UBE3B: variants seen among roughly 807,000 people sequenced by gnomAD.
UBE3B encodes the protein ubiquitin-protein ligase E3B.
Under a neutral mutation model 132.3 loss-of-function variants are expected in UBE3B, and 80 were observed. That is an observed-to-expected ratio of 0.60 (90% CI 0.50 to 0.73). The LOEUF is 0.73. Ranked by LOEUF, UBE3B falls within the 30% of genes least tolerant of loss-of-function variation. The pLI is 0.00. For missense variants in UBE3B, 1,196 were observed against 1,362.5 expected (o/e 0.88, Z 1.92); for synonymous variants, 487 against 520.4 (o/e 0.94, Z 0.87).
chr12:109,501,675 A>G, intron 13 of UBE3B, 141 bp downstream of exon 13: 2 of 1,071,018 alleles, frequency 1.9e-6, no homozygotes, highest in South Asian at 1.7e-5. Flanking sequence ...TGTTAGAGAC[A>G]GAGTCTCACT....
rs1478131322 is a variant in UBE3B, at chr12:109,501,404, G to C, written c.1152G>C (p.Gln384His). 2 of 1,614,030 alleles carry C rather than the reference G, an allele frequency of 1.2e-6. No homozygotes were observed. The highest frequency in any genetic ancestry group is 1.3e-5 in the African/African-American group (1 of 74,914). ...LNESMHLITK[Q>H]LQFLWGVPLI... ...AGTCAATGCACTTGATCACCAAACA[G>C]CTGCAGTTCTTGTGGGGGGTGCCTC... is the stretch of plus-strand genomic sequence containing the variant. Residue 384 changes from glutamine (Q) to histidine (H), a missense_variant, in exon 13 of 28, where the codon CAG (glutamine) becomes CAC (histidine). Physicochemically the swap from Gln to His is conservative, Grantham distance 24. Coordinates refer to ENST00000342494, the MANE Select transcript of UBE3B (RefSeq NM_130466.4).
At chr12:109,543,510 G>A in the UBE3B span, among the ~76,000 whole-genome samples, 3 of 152,326 alleles carry the variant, frequency 2.0e-5, no homozygotes, top group South Asian at 6.2e-4. Context: ...ACCTGGAATC[G>A]ATCCTTTGTT....
chr12:109,521,357 C>T lies in UBE3B; in HGVS notation c.2253+33C>T. ...AGGGGAGCAACAGCAGGGCTGACAG[C>T]AGCCAGATTCAAGAAGTGAAGAGCT... On this transcript the variant is annotated intron_variant, in intron 20 of 27. Transcript: ENST00000342494. This position sits in a 1 kb window ranked among gnomAD's most constrained non-coding sequence, Gnocchi z 4.2. The T allele has an allele frequency of 1.2e-6, 2 of 1,605,472 alleles. No homozygotes were observed. Among genetic ancestry groups the T allele is most frequent in the Non-Finnish European group, 1.7e-6 (2 of 1,172,710 alleles).
At chr12:109,542,811 ACAG>A in the UBE3B span, among the ~76,000 whole-genome samples, 2 of 152,216 alleles carry the variant, frequency 1.3e-5, no homozygotes, top group Non-Finnish European at 2.9e-5. Context: ...TTCAGACTTA[ACAG>A]CTTCTAGAAT....
At chr12:109,505,096 T>G (rs1879500183) in intron 14 of UBE3B, among the ~76,000 whole-genome samples, 1 of 152,146 alleles carries the variant, frequency 6.6e-6, no homozygotes, top group African/African-American at 2.4e-5. Context: ...AGTGAGAGAA[T>G]CCAAATACAG....
In UBE3B at chr12:109,535,638, G is replaced by C. The variant is rs958154176; in HGVS notation, c.*856G>C. 6.6e-6 allele frequency: 1 copy of C among 152,178 alleles called. No homozygotes were observed. The highest frequency in any genetic ancestry group is 2.4e-5 in the African/African-American group (1 of 41,424). The allele number at this position is 152,178 out of a possible 1,614,324, so 9.4% of individuals were successfully genotyped here. A position where few individuals can be genotyped will look rare whatever the true frequency, so the allele number is the denominator to read the frequency against. On this transcript the variant is annotated 3_prime_UTR_variant, in exon 28 of 28. Transcript: ENST00000342494. The stretch of plus-strand genomic sequence containing the variant: ...TTTGACCCTGCTTATTTGTCTCACT[G>C]GTTATCTAATGAGGAACAAACACTA...
Position 109,486,580 on chromosome 12 carries a change from C to CAATAAA in UBE3B, c.447+7_447+8insTAAAAA, listed in dbSNP as rs1876488417. ...GATTTTCTCAAGCAGCTCAAGGTAA[C>CAATAAA]AAAAAAAAAAAAAAAAAAAAAAAGC... On this transcript the variant is annotated splice_donor_region_variant and intron_variant, in intron 6 of 27. Coordinates refer to ENST00000342494, the MANE Select transcript of UBE3B (RefSeq NM_130466.4). The CAATAAA allele has an allele frequency of 2.0e-6, 1 of 493,986 alleles. No homozygotes were observed. 30.6% of individuals were successfully genotyped at this position (493,986 alleles called of 1,614,324 possible).
chr12:109,503,341 A>G (rs1879235656), intron 14 of UBE3B, 151 bp downstream of exon 14: 1 of 973,210 alleles, frequency 1.0e-6, no homozygotes, highest in African/African-American at 1.7e-5. Flanking sequence ...AGATTAGTCC[A>G]CCTCAGTTAC....
chr12:109,483,001 T>G (rs1180400718), intron 2 of UBE3B, among the ~76,000 whole-genome samples: 1 of 152,244 alleles, frequency 6.6e-6, no homozygotes, highest in African/African-American at 2.4e-5. Context: ...TGTCACAAAG[T>G]ATGCACTGGT....
At chr12:109,547,486 T>C in the UBE3B span, among the ~76,000 whole-genome samples, 2 of 152,238 alleles carry the variant, frequency 1.3e-5, no homozygotes, top group Admixed American at 6.5e-5. The surrounding 1 kb of genome is among the most constrained non-coding windows in gnomAD (Gnocchi z 4.1). Flanking sequence ...CACGCATGCA[T>C]GCATGCACGG....
intron 11 of UBE3B, among the ~76,000 whole-genome samples, chr12:109,499,299 C>T (rs992473061): frequency 2.0e-5 from 3 of 152,196 alleles, no homozygotes; most frequent in Non-Finnish European, 2.9e-5. Context: ...TAAATATCAC[C>T]TACCTCTGTG....
Position 109,503,154 on chromosome 12 carries a change from A to G in UBE3B, c.1414A>G (p.Thr472Ala). 2 of 1,614,232 alleles carry G rather than the reference A, an allele frequency of 1.2e-6. No individual in the cohort carries two copies. Among genetic ancestry groups the G allele is most frequent in the Non-Finnish European group, 1.7e-6 (2 of 1,180,048 alleles). ...CTGTGTCCTCTACCAGACCTCGCTG[A>G]CAACTCTCACACAGATTCGGCTGCA... ...NICVLYQTSL[T>A]TLTQIRLQIL... The change falls in exon 14 of 28, where the codon ACA (threonine) becomes GCA (alanine). Residue 472 changes from threonine (T) to alanine (A), a missense_variant. By Grantham distance (58) the Thr-to-Ala change is moderately conservative. Transcript: ENST00000342494.
chr12:109,524,623 C>A, intron 23 of UBE3B, 120 bp downstream of exon 23: 1 of 1,074,174 alleles, frequency 9.3e-7, no homozygotes, highest in South Asian at 1.5e-5. Flanking sequence ...GTCCCTTGTC[C>A]TCCCCACCCC....
intron 7 of UBE3B, among the ~76,000 whole-genome samples, chr12:109,489,304 A>G (rs1020037553): frequency 2.0e-5 from 3 of 152,234 alleles, no homozygotes; most frequent in Admixed American, 6.5e-5. Context: ...GGAAGGAAGC[A>G]TGCAAGAGAA....
At chr12:109,494,268 T>C (rs956396270) in intron 9 of UBE3B, among the ~76,000 whole-genome samples, 1 of 152,220 alleles carries the variant, frequency 6.6e-6, no homozygotes, top group Non-Finnish European at 1.5e-5. Context: ...TTCTTATTCT[T>C]TGTACTTGCC....
intron 19 of UBE3B, 142 bp downstream of exon 19, chr12:109,517,026 C>T (rs1881154658): frequency 3.8e-6 from 5 of 1,310,896 alleles, no homozygotes; most frequent in Non-Finnish European, 4.1e-6. Context: ...GGAAAGGGGT[C>T]ATTTGTCCTG....
Position 109,534,257 on chromosome 12 carries a change from A to C in UBE3B, c.3016-334A>C. 1.5e-6 allele frequency: 2 copies of C among 1,295,014 alleles called. No homozygotes were observed. Among genetic ancestry groups the C allele is most frequent in the Non-Finnish European group, 2.0e-6 (2 of 1,010,954 alleles). 80.2% of individuals were successfully genotyped at this position (1,295,014 alleles called of 1,614,324 possible). A position where few individuals can be genotyped will look rare whatever the true frequency, so the allele number is the denominator to read the frequency against. On this transcript the variant is annotated intron_variant, in intron 27 of 27. Transcript: ENST00000342494. The surrounding 1 kb of genome is among the most constrained non-coding windows in gnomAD (Gnocchi z 5.2). ...GGTGAGGAGGGAGGAGTGCATTCAG[A>C]AATGTTTGGGCACCTAACAGTTTTT... is the stretch of plus-strand genomic sequence containing the variant.
chr12:109,495,901 G>A (rs942207072), intron 9 of UBE3B, among the ~76,000 whole-genome samples: 3 of 152,162 alleles, frequency 2.0e-5, no homozygotes, highest in African/African-American at 4.8e-5. Flanking sequence ...TGGGCATCAC[G>A]GCCATCACGA....
chr12:109,520,902 C>T (rs987194581), intron 19 of UBE3B: 1 of 426,950 alleles, frequency 2.3e-6, no homozygotes, highest in Admixed American at 3.6e-5. Flanking sequence ...CATCTCACTG[C>T]TCTGTCCCCT....
Sources: gnomAD v4.1 joint callset for allele counts (sites outside exome capture counted in the v4.1 genomes callset) on GRCh38, gnomAD v4.1.1 for gene constraint, Gnocchi (gnomAD v3.1) non-coding constraint, MANE v1.5 for transcripts, NCBI Gene and HGNC (gene_info 2026-07-23, HGNC 2026-07-21) for gene names.